Variants in ZFAT observed in about 807,000 individuals in gnomAD.
ZFAT encodes the protein zinc finger and AT-hook domain containing, also known as zinc finger protein ZFAT.
Under a neutral mutation model 117.7 loss-of-function variants are expected in ZFAT, and 64 were observed. That is an observed-to-expected ratio of 0.54 (90% confidence interval 0.44 to 0.67). The LOEUF (loss-of-function observed/expected upper bound fraction) is 0.67. Ranked by LOEUF, ZFAT falls within the 30% of genes least tolerant of loss-of-function variation. The pLI is 0.00. For synonymous variants in ZFAT, 679 were observed against 615.0 expected (o/e 1.10, Z -1.54); for missense variants, 1,433 against 1,584.5 (o/e 0.90, Z 1.62).
At chr8:134,720,514 A>G in the ZFAT span, among the ~76,000 whole-genome samples, 1 of 152,208 alleles carries the variant, frequency 6.6e-6, no homozygotes, top group Admixed American at 6.5e-5. Context: ...CTGAAGAAAA[A>G]AAGAGAAACT....
chr8:134,747,026 T>C, the ZFAT span, among the ~76,000 whole-genome samples: 4 of 152,224 alleles, frequency 2.6e-5, no homozygotes, highest in South Asian at 8.3e-4. Flanking sequence ...AATCAGAGCC[T>C]AATGTTTTAT....
the ZFAT span, among the ~76,000 whole-genome samples, chr8:134,718,847 T>C: frequency 6.6e-6 from 1 of 152,242 alleles, no homozygotes; most frequent in African/African-American, 2.4e-5. Flanking sequence ...AAATAAAGGA[T>C]GGCATCTGGT....
chr8:134,624,567 G>C (rs1306897828), intron 3 of ZFAT, among the ~76,000 whole-genome samples: 1 of 152,178 alleles, frequency 6.6e-6, no homozygotes, highest in Non-Finnish European at 1.5e-5. Context: ...TGAGGCAGGA[G>C]AATCGCTTGA....
chr8:134,487,848 G>A (rs1343659746), intron 15 of ZFAT, among the ~76,000 whole-genome samples: 1 of 152,254 alleles, frequency 6.6e-6, no homozygotes, highest in Non-Finnish European at 1.5e-5. Flanking sequence ...CTGAGGAGGT[G>A]CAACCTGTGT....
At chr8:134,737,267 C>T in the ZFAT span, among the ~76,000 whole-genome samples, 3 of 150,434 alleles carry the variant, frequency 2.0e-5, no homozygotes, top group African/African-American at 4.9e-5. Context: ...GCAACAAGAG[C>T]AAAACTCCAT....
intron 1 of ZFAT, among the ~76,000 whole-genome samples, chr8:134,688,881 G>A (rs574889578): frequency 5.3e-5 from 8 of 152,264 alleles, no homozygotes; most frequent in African/African-American, 7.2e-5. Flanking sequence ...TTCATGAGAC[G>A]TGTCCAGCCA....
chr8:134,803,009 G>T, the ZFAT span, among the ~76,000 whole-genome samples: 1 of 152,176 alleles, frequency 6.6e-6, no homozygotes, highest in Non-Finnish European at 1.5e-5. Context: ...AGGGCATCCA[G>T]AATTAAAACT....
chr8:134,526,959 G>A (rs1440276116), intron 12 of ZFAT, among the ~76,000 whole-genome samples: 1 of 152,064 alleles, frequency 6.6e-6, no homozygotes, highest in Non-Finnish European at 1.5e-5. Flanking sequence ...CTAATCCCCA[G>A]AACATGTGAA....
the ZFAT span, among the ~76,000 whole-genome samples, chr8:134,725,479 G>A: frequency 2.6e-5 from 4 of 152,136 alleles, no homozygotes; most frequent in Admixed American, 1.3e-4. Context: ...GAGCAAGAGA[G>A]GGACGGGGAG....
At chr8:134,692,300 T>C (rs1350935342) in intron 1 of ZFAT, among the ~76,000 whole-genome samples, 1 of 152,108 alleles carries the variant, frequency 6.6e-6, no homozygotes, top group Non-Finnish European at 1.5e-5. Flanking sequence ...TGGGAATAAA[T>C]GCAAATCAGA....
At chr8:134,599,312 C>T (rs1046226767) in intron 7 of ZFAT, 74 of 160,114 alleles carry the variant, frequency 4.6e-4, no homozygotes, top group Admixed American at 3.1e-3. Flanking sequence ...TGTGTGTGTG[C>T]GCGCGCATGC....
the ZFAT span, among the ~76,000 whole-genome samples, chr8:134,771,871 G>A: frequency 2.0e-5 from 3 of 152,186 alleles, no homozygotes; most frequent in Admixed American, 1.3e-4. Context: ...CACAATCATG[G>A]CAGAAGGCAA....
chr8:134,706,346 G>A (rs1307187092), intron 1 of ZFAT, among the ~76,000 whole-genome samples: 1 of 152,172 alleles, frequency 6.6e-6, no homozygotes, highest in African/African-American at 2.4e-5. Context: ...AGACACAAAA[G>A]AATTATATGA....
chr8:134,766,235 A>G, the ZFAT span: 1 of 152,362 alleles, frequency 6.6e-6, no homozygotes, highest in South Asian at 2.1e-4. Flanking sequence ...TATTTCATGA[A>G]TCAAATGCTC....
intron 7 of ZFAT, chr8:134,598,608 C>T (rs952649421): frequency 6.6e-6 from 1 of 152,244 alleles, no homozygotes; most frequent in African/African-American, 2.4e-5. Context: ...CCATGGGTCC[C>T]TCACAACAGG....
upstream of ZFAT, among the ~76,000 whole-genome samples, chr8:134,714,419 C>A (rs892693079): frequency 6.6e-6 from 1 of 152,114 alleles, no homozygotes; most frequent in Non-Finnish European, 1.5e-5. Flanking sequence ...GTTTTCTCAG[C>A]GCCTGTTGCA....
rs993103698 is a variant in ZFAT at position 134,697,205 on chromosome 8, C to T, written c.19+15640G>A. ...TCTCGGCTTACTGCAACCTCCGCCT[C>T]CCTGGTTCAAGCAATTATCCGCCTC... On this transcript the variant is annotated intron_variant, in intron 1 of 15. Transcript: ENST00000377838. Among the ~76,000 whole-genome samples, 33 of 152,008 alleles carry T rather than the reference C, an allele frequency of 2.2e-4. 1 individual carries two copies. Among genetic ancestry groups the T allele is most frequent in the African/African-American group, 6.8e-4 (28 of 41,416 alleles).
At chr8:134,555,895 T>C (rs1056508995) in intron 11 of ZFAT, among the ~76,000 whole-genome samples, 1 of 145,484 alleles carries the variant, frequency 6.9e-6, no homozygotes, top group Admixed American at 7.1e-5. Flanking sequence ...AAGTGCTACA[T>C]GGGAGGCTGA....
At chr8:134,637,367 A>G (rs1218031938) in intron 3 of ZFAT, 94 bp downstream of exon 3, 6 of 1,473,964 alleles carry the variant, frequency 4.1e-6, no homozygotes, top group African/African-American at 1.4e-5. Flanking sequence ...AATATGTGCT[A>G]TTTCCAAGTA....
Sources: gnomAD v4.1 joint callset for allele counts (sites outside exome capture counted in the v4.1 genomes callset) on GRCh38, gnomAD v4.1.1 for gene constraint, MANE v1.5 for transcripts, NCBI Gene and HGNC (gene_info 2026-07-23, HGNC 2026-07-21) for gene names.